The following PTPRD variants were observed in gnomAD, a reference collection of about 807,000 sequenced individuals.
The protein encoded by PTPRD is receptor-type tyrosine-protein phosphatase delta.
In PTPRD, 34 loss-of-function variants were observed where a neutral mutation model predicts 214.5. The observed-to-expected ratio is 0.16, with a 90% CI of 0.12 to 0.21. The LOEUF is 0.21. Among genes scored for constraint, PTPRD ranks in the 10% least tolerant of loss-of-function variants. The pLI is 1.00. For missense variants in PTPRD, 2,545 were observed against 2,398.7 expected (o/e 1.06, Z -1.27); for synonymous variants, 1,128 against 845.7 (o/e 1.33, Z -5.79).
chr9:10,512,486 A>G (rs2048629354), intron 2 of PTPRD, among the ~76,000 whole-genome samples: 1 of 152,120 alleles, frequency 6.6e-6, no homozygotes, highest in South Asian at 2.1e-4. Flanking sequence ...TGCTCCTATG[A>G]TCCATAAGTA....
At chr9:10,362,379 A>C (rs1206147305) in intron 2 of PTPRD, among the ~76,000 whole-genome samples, 1 of 149,474 alleles carries the variant, frequency 6.7e-6, no homozygotes, top group Non-Finnish European at 1.5e-5. Flanking sequence ...TGAGGAAAAG[A>C]GCTTTTAAAC....
intron 39 of PTPRD, among the ~76,000 whole-genome samples, chr9:8,356,454 G>A (rs1163742655): frequency 6.6e-6 from 1 of 152,144 alleles, no homozygotes; most frequent in Non-Finnish European, 1.5e-5. Flanking sequence ...ACTGTTCAAA[G>A]GCAGCCAACA....
At chr9:10,346,659 G>A (rs556197177) in intron 2 of PTPRD, among the ~76,000 whole-genome samples, 1 of 152,272 alleles carries the variant, frequency 6.6e-6, no homozygotes, top group South Asian at 2.1e-4. Flanking sequence ...TCAGATTCGA[G>A]TTGTAGATAA....
At chr9:9,934,248 T>G (rs945227033) in intron 5 of PTPRD, among the ~76,000 whole-genome samples, 2 of 146,376 alleles carry the variant, frequency 1.4e-5, no homozygotes, top group African/African-American at 5.4e-5. Flanking sequence ...CTGAAGGAAA[T>G]AGAGACACAA....
intron 12 of PTPRD, among the ~76,000 whole-genome samples, chr9:8,703,306 T>TA (rs1287858446): frequency 1.3e-5 from 2 of 152,184 alleles, no homozygotes; most frequent in African/African-American, 2.4e-5. Context: ...TGATATTACA[T>TA]AAAAAATATT....
At chr9:8,871,962 C>T (rs2098308090) in intron 11 of PTPRD, among the ~76,000 whole-genome samples, 1 of 152,064 alleles carries the variant, frequency 6.6e-6, no homozygotes, top group African/African-American at 2.4e-5. Flanking sequence ...AGAAATGTGT[C>T]CTCTGCAAGC....
intron 4 of PTPRD, among the ~76,000 whole-genome samples, chr9:9,993,102 G>C (rs1056692383): frequency 6.6e-6 from 1 of 152,166 alleles, no homozygotes; most frequent in Non-Finnish European, 1.5e-5. Context: ...TTTCCTTCTG[G>C]TCCAGCCTTT....
intron 9 of PTPRD, among the ~76,000 whole-genome samples, chr9:9,387,690 A>T (rs1315180646): frequency 2.0e-5 from 3 of 152,092 alleles, no homozygotes; most frequent in Non-Finnish European, 4.4e-5. Context: ...GTCACATTGA[A>T]ACAGGAAGGG....
rs57336557 is a variant in PTPRD at position 8,873,140 on chromosome 9, G to A, written c.-103-139194C>T. On this transcript the variant is annotated intron_variant, in intron 11 of 45. Transcript: ENST00000381196. ...TGGTGAGACTCTCCACTGAGCTGTC[G>A]GCTCCTGGAGGGCAGGGACTATGTC... 7.0e-3 allele frequency among the ~76,000 whole-genome samples: 1,072 copies of A among 152,192 alleles called. 6 individuals are homozygous for A. The highest frequency in any genetic ancestry group is 0.024 in the African/African-American group (1,011 of 41,532).
chr9:8,333,557 C>G (rs180991150), intron 43 of PTPRD, among the ~76,000 whole-genome samples: 2 of 152,058 alleles, frequency 1.3e-5, no homozygotes, highest in Middle Eastern at 3.2e-3. Context: ...GAAGGAAGCA[C>G]TAAACATGGA....
intron 10 of PTPRD, among the ~76,000 whole-genome samples, chr9:9,038,381 C>T (rs1178810081): frequency 2.6e-5 from 4 of 152,066 alleles, no homozygotes; most frequent in African/African-American, 9.7e-5. Context: ...AAATTCCCCC[C>T]ACTTCGCTGT....
intron 8 of PTPRD, among the ~76,000 whole-genome samples, chr9:9,467,154 T>C (rs1182801200): frequency 6.6e-6 from 1 of 150,964 alleles, no homozygotes; most frequent in East Asian, 1.9e-4. Flanking sequence ...GTCCTCACCA[T>C]CCTTTCCTAG....
intron 6 of PTPRD, among the ~76,000 whole-genome samples, chr9:9,737,777 A>G (rs890303418): frequency 6.6e-5 from 10 of 152,206 alleles, no homozygotes; most frequent in African/African-American, 2.4e-4. Context: ...GCTATTATGA[A>G]TAACAATGCT....
At chr9:9,188,675 C>T (rs753450015) in intron 9 of PTPRD, among the ~76,000 whole-genome samples, 4 of 151,994 alleles carry the variant, frequency 2.6e-5, no homozygotes, top group Non-Finnish European at 4.4e-5. Flanking sequence ...AAGACTCTAA[C>T]AACCCTTTTA....
chr9:8,500,558 G>GAAA (rs146807692), intron 24 of PTPRD, among the ~76,000 whole-genome samples, 196 bp downstream of exon 24: 310 of 14,332 alleles, frequency 0.022, 100 homozygotes, highest in Admixed American at 0.028. Context: ...TGAAAAAAAT[G>GAAA]AAAAAAAAAA....
chr9:10,376,882 A>T (rs567406125), intron 2 of PTPRD, among the ~76,000 whole-genome samples: 2 of 152,092 alleles, frequency 1.3e-5, no homozygotes, highest in Admixed American at 1.3e-4. Context: ...CCCTTCAAGC[A>T]TTTATCCTTT....
intron 12 of PTPRD, among the ~76,000 whole-genome samples, chr9:8,645,900 A>G (rs780267261): frequency 3.0e-4 from 46 of 151,908 alleles, no homozygotes; most frequent in Non-Finnish European, 5.3e-4. Context: ...CCCACCTAAC[A>G]GCCTCAGCCT....
chr9:8,842,052 AT>A (rs1042570795), intron 11 of PTPRD, among the ~76,000 whole-genome samples: 3 of 151,990 alleles, frequency 2.0e-5, no homozygotes, highest in African/African-American at 7.3e-5. Flanking sequence ...TTTCTGAAGT[AT>A]TTTTTTAAAC....
At chr9:8,814,844 A>G (rs2096887803) in intron 11 of PTPRD, among the ~76,000 whole-genome samples, 1 of 152,244 alleles carries the variant, frequency 6.6e-6, no homozygotes, top group Non-Finnish European at 1.5e-5. Context: ...CTTAACCTTA[A>G]TAAGAGGGGA....
Sources: gnomAD v4.1 joint callset for allele counts (sites outside exome capture counted in the v4.1 genomes callset) on GRCh38, gnomAD v4.1.1 for gene constraint, MANE v1.5 for transcripts, NCBI Gene and HGNC (gene_info 2026-07-23, HGNC 2026-07-21) for gene names.